TPTE: variants seen among roughly 807,000 people sequenced by gnomAD.
TPTE encodes the protein transmembrane phosphatase with tensin homology.
In TPTE, 59 loss-of-function variants were observed where a neutral mutation model predicts 84.1. The observed-to-expected ratio is 0.70, with a 90% CI of 0.57 to 0.87. The LOEUF is 0.87. Among genes scored for constraint, TPTE ranks in the 40% least tolerant of loss-of-function variants. The pLI, the probability that TPTE is intolerant of heterozygous loss-of-function variation, is 0.00. For missense variants in TPTE, 382 were observed against 659.6 expected (o/e 0.58, Z 4.61); for synonymous variants, 130 against 223.5 (o/e 0.58, Z 3.73).
chr21:10,589,436 G>A (rs1423965146), intron 17 of TPTE, among the ~76,000 whole-genome samples: 4 of 152,298 alleles, frequency 2.6e-5, no homozygotes, highest in African/African-American at 9.6e-5. Context: ...GCAATGGGCT[G>A]AAATCCTGAG....
chr21:10,592,909 C>T (rs1160269127), intron 19 of TPTE, among the ~76,000 whole-genome samples: 1,045 of 151,318 alleles, frequency 6.9e-3, no homozygotes, highest in African/African-American at 0.025. Context: ...AAAACCCCTT[C>T]TGTATCCCAG....
At chr21:10,562,049 C>CT (rs2074816512) in intron 10 of TPTE, among the ~76,000 whole-genome samples, 1 of 152,246 alleles carries the variant, frequency 6.6e-6, no homozygotes, top group Admixed American at 6.5e-5. Context: ...GAGAGAGACT[C>CT]TGTTTGTTTG....
intron 10 of TPTE, among the ~76,000 whole-genome samples, chr21:10,567,448 T>A (rs1404128462): frequency 8.2e-6 from 1 of 121,986 alleles, no homozygotes; most frequent in South Asian, 2.5e-4. Context: ...CATGTTGGTG[T>A]TTTAGTCACA....
At chr21:10,582,900 A>T (rs2075295968) in intron 17 of TPTE, among the ~76,000 whole-genome samples, 1 of 152,302 alleles carries the variant, frequency 6.6e-6, no homozygotes, top group Non-Finnish European at 1.5e-5. Context: ...CACCCAGCTA[A>T]TTTTGTATTT....
intron 19 of TPTE, among the ~76,000 whole-genome samples, chr21:10,593,411 C>G (rs2145781066): frequency 6.6e-6 from 1 of 152,418 alleles, no homozygotes; most frequent in South Asian, 2.1e-4. Flanking sequence ...AGAATTCAAA[C>G]AAAGTCCACA....
intron 7 of TPTE, among the ~76,000 whole-genome samples, chr21:10,548,898 C>T (rs952367328): frequency 9.2e-5 from 14 of 152,296 alleles, no homozygotes; most frequent in African/African-American, 3.4e-4. Flanking sequence ...GGAAGTCATG[C>T]CCTGGTTGAG....
intron 17 of TPTE, among the ~76,000 whole-genome samples, chr21:10,584,999 G>C (rs551909087): frequency 6.6e-6 from 1 of 152,252 alleles, no homozygotes; most frequent in African/African-American, 2.4e-5. Context: ...GGGAGGCCCA[G>C]TGGGGGCAGA....
At chr21:10,580,931 G>T (rs1482117533) in intron 17 of TPTE, among the ~76,000 whole-genome samples, 1 of 152,308 alleles carries the variant, frequency 6.6e-6, no homozygotes, top group East Asian at 1.9e-4. Context: ...TCAGGTTTGG[G>T]CTTTAAATAA....
In TPTE at chr21:10,566,313, C is replaced by T. The variant is rs2074920261; in HGVS notation, c.447-1357C>T. On this transcript the variant is annotated intron_variant, in intron 10 of 23. Transcript: ENST00000618007. ...GTAGAAAACTACCATGAGATATCATCTCACCCCAGCTAAAATGGTTTATAT... is the reference window on the plus strand; with the variant it reads ...GTAGAAAACTACCATGAGATATCATTTCACCCCAGCTAAAATGGTTTATAT... 2.6e-5 allele frequency among the ~76,000 whole-genome samples: 4 copies of T among 152,420 alleles called. No homozygotes were observed. In the South Asian group the frequency reaches 8.3e-4, roughly 32 times the overall value.
At chr21:10,558,980 C>G (rs1404102877) in intron 8 of TPTE, among the ~76,000 whole-genome samples, 1 of 152,306 alleles carries the variant, frequency 6.6e-6, no homozygotes, top group South Asian at 2.1e-4. Context: ...CTCTGAAGTT[C>G]GTTTGCAACC....
intron 17 of TPTE, among the ~76,000 whole-genome samples, chr21:10,586,170 C>T (rs2075361856): frequency 6.6e-6 from 1 of 152,306 alleles, no homozygotes; most frequent in Non-Finnish European, 1.5e-5. Flanking sequence ...AGAGTGTCAA[C>T]CACTATCTTT....
intron 19 of TPTE, among the ~76,000 whole-genome samples, chr21:10,592,805 GGTGTGTGTGTGT>G (rs4041809): frequency 1.6e-4 from 24 of 148,846 alleles, no homozygotes; most frequent in East Asian, 2.0e-4. Context: ...GATGACTCCT[GGTGTGTGTGTGT>G]GTGTGTGTGT....
chr21:10,589,591 T>A (rs1372807077), intron 17 of TPTE, among the ~76,000 whole-genome samples: 74 of 152,024 alleles, frequency 4.9e-4, no homozygotes, highest in African/African-American at 1.6e-3. Context: ...TCCCTGTGTC[T>A]TTCCCCCACA....
intron 13 of TPTE, 122 bp downstream of exon 13, chr21:10,569,868 T>C (rs2020011): frequency 6.3e-7 from 1 of 1,598,036 alleles, no homozygotes; most frequent in South Asian, 1.1e-5. Context: ...GGATATATGC[T>C]ACTGTGATAG....
At chr21:10,593,825 G>A (rs1338118074) in intron 19 of TPTE, among the ~76,000 whole-genome samples, 1 of 152,312 alleles carries the variant, frequency 6.6e-6, no homozygotes, top group African/African-American at 2.4e-5. Context: ...GGATGTGGCT[G>A]TAAATGAGTT....
At chr21:10,596,497 G>A (rs1321907362) in intron 20 of TPTE, among the ~76,000 whole-genome samples, 10 of 152,404 alleles carry the variant, frequency 6.6e-5, no homozygotes, top group African/African-American at 2.4e-4. Context: ...TCTCCGTATC[G>A]TATCATTTTC....
At chr21:10,577,562 CAG>C (rs770351451) in intron 15 of TPTE, 42 bp downstream of exon 15, 1 of 1,613,466 alleles carries the variant, frequency 6.2e-7, no homozygotes, top group Non-Finnish European at 8.5e-7. Context: ...AGATAGAAAA[CAG>C]ATTACTGCAC....
intron 7 of TPTE, among the ~76,000 whole-genome samples, chr21:10,548,254 C>A (rs929876885): frequency 6.6e-6 from 1 of 152,306 alleles, no homozygotes; most frequent in Non-Finnish European, 1.5e-5. Context: ...GCTTGAGGAA[C>A]AGCCCTTTAG....
intron 3 of TPTE, among the ~76,000 whole-genome samples, chr21:10,531,365 C>G (rs192594984): frequency 2.8e-3 from 429 of 152,214 alleles, no homozygotes; most frequent in African/African-American, 1.0e-2. Context: ...CTTCCCGCAC[C>G]TTGATTCCCC....
Sources: allele counts gnomAD v4.1 joint callset (sites outside exome capture counted in the v4.1 genomes callset), GRCh38; gene constraint gnomAD v4.1.1; transcripts MANE v1.5; gene names NCBI Gene and HGNC (gene_info 2026-07-23, HGNC 2026-07-21).